CABLES1: variants seen among roughly 807,000 people sequenced by gnomAD.
CABLES1 encodes Cdk5 and Abl enzyme substrate 1, also known as CDK5 and ABL1 enzyme substrate 1.
A neutral mutation model predicts 57.8 loss-of-function variants in CABLES1; 36 were observed. That is an observed-to-expected ratio of 0.62 (90% CI 0.48 to 0.82). CABLES1 has a LOEUF of 0.82. Ranked by LOEUF, CABLES1 falls within the 40% of genes least tolerant of loss-of-function variation. CABLES1 has a pLI of 0.00. For missense variants in CABLES1, 767 were observed against 836.6 expected (o/e 0.92, Z 1.03); for synonymous variants, 374 against 363.0 (o/e 1.03, Z -0.35).
chr18:23,213,530 C>T (rs2047419499), intron 3 of CABLES1, among the ~76,000 whole-genome samples: 1 of 152,180 alleles, frequency 6.6e-6, no homozygotes, highest in Non-Finnish European at 1.5e-5. Context: ...ACCTAATGAT[C>T]ATAATGGCCT....
intron 3 of CABLES1, among the ~76,000 whole-genome samples, chr18:23,200,473 A>G (rs1284286210): frequency 2.6e-5 from 4 of 152,178 alleles, no homozygotes; most frequent in South Asian, 2.1e-4. Context: ...CATGTTAGCC[A>G]GGAAGGTCTC....
At chr18:23,146,880 T>TTATTCTAA (rs1441043747) in intron 1 of CABLES1, among the ~76,000 whole-genome samples, 11 of 152,358 alleles carry the variant, frequency 7.2e-5, no homozygotes, top group African/African-American at 2.4e-4. Flanking sequence ...AACTAAGTAC[T>TTATTCTAA]GTAGAATTTT....
chr18:23,222,614 C>T (rs2047497318), intron 4 of CABLES1, among the ~76,000 whole-genome samples: 1 of 149,396 alleles, frequency 6.7e-6, no homozygotes, highest in Non-Finnish European at 1.5e-5. Flanking sequence ...TAGATATATA[C>T]ACAGATATAG....
At chr18:23,161,942 G>A (rs2047008342) in intron 1 of CABLES1, among the ~76,000 whole-genome samples, 1 of 151,472 alleles carries the variant, frequency 6.6e-6, no homozygotes, top group African/African-American at 2.4e-5. Context: ...AAAGCGGGTG[G>A]ATCACCTGAG....
intron 9 of CABLES1, 195 bp from the exon 10 acceptor site, chr18:23,257,032 A>G (rs1016027271): frequency 1.2e-5 from 7 of 596,740 alleles, no homozygotes; most frequent in African/African-American, 9.4e-5. Context: ...CCCTCGGGAA[A>G]GGAGCAGCTC....
chr18:23,216,836 A>G (rs1393615837), intron 4 of CABLES1, among the ~76,000 whole-genome samples: 1 of 152,288 alleles, frequency 6.6e-6, no homozygotes, highest in South Asian at 2.1e-4. Flanking sequence ...GCTAGGAAAC[A>G]GTGTCTGTTC....
At chr18:23,153,270 A>AT (rs974701338) in intron 1 of CABLES1, among the ~76,000 whole-genome samples, 44 of 150,450 alleles carry the variant, frequency 2.9e-4, no homozygotes, top group South Asian at 2.5e-3. Context: ...TAATTTTTAT[A>AT]TTTTTTTTGT....
chr18:23,137,172 A>G (rs1288549785), intron 1 of CABLES1, among the ~76,000 whole-genome samples: 2 of 152,092 alleles, frequency 1.3e-5, no homozygotes, highest in Admixed American at 6.5e-5. Context: ...ATTGCCTCCA[A>G]CTAGGCCTAG....
intron 7 of CABLES1, among the ~76,000 whole-genome samples, chr18:23,244,987 T>C (rs1170290703): frequency 6.6e-6 from 1 of 152,226 alleles, no homozygotes; most frequent in Non-Finnish European, 1.5e-5. Context: ...TTTTCTGTTG[T>C]TTCTGTTGGA....
At chr18:23,166,134 A>T (rs1345264536) in intron 1 of CABLES1, among the ~76,000 whole-genome samples, 5 of 152,192 alleles carry the variant, frequency 3.3e-5, no homozygotes, top group African/African-American at 1.2e-4. Context: ...TGTTTCTTTA[A>T]TACTAACCAG....
At chr18:23,231,394 C>T (rs1014272304) in intron 4 of CABLES1, among the ~76,000 whole-genome samples, 2 of 152,224 alleles carry the variant, frequency 1.3e-5, no homozygotes. Context: ...GGACCATCTC[C>T]GTCATCACAG....
At chr18:23,189,087 C>T (rs1015380477) in intron 2 of CABLES1, 178 bp downstream of exon 2, 9 of 552,554 alleles carry the variant, frequency 1.6e-5, no homozygotes, top group Non-Finnish European at 2.9e-5. Flanking sequence ...TAGAACTAAA[C>T]AACGTTAAAT....
chr18:23,231,757 G>A (rs1469246112), intron 4 of CABLES1, among the ~76,000 whole-genome samples: 1 of 151,720 alleles, frequency 6.6e-6, no homozygotes, highest in African/African-American at 2.4e-5. Context: ...GACTTTATAC[G>A]AGCACATGAC....
intron 1 of CABLES1, among the ~76,000 whole-genome samples, chr18:23,188,590 A>G (rs148984656): frequency 0.013 from 1,809 of 142,560 alleles, 29 homozygotes; most frequent in African/African-American, 0.042. Flanking sequence ...GTCAGCATCA[A>G]AAGGATCAGT....
chr18:23,200,995 G>A (rs534169381), intron 3 of CABLES1, among the ~76,000 whole-genome samples: 21 of 152,204 alleles, frequency 1.4e-4, no homozygotes, highest in Non-Finnish European at 2.5e-4. Context: ...AGTGATTGGC[G>A]TAAAGGCCCA....
chr18:23,246,671 T>A (rs190446731), intron 7 of CABLES1, among the ~76,000 whole-genome samples: 12 of 151,578 alleles, frequency 7.9e-5, no homozygotes, highest in Non-Finnish European at 8.8e-5. Flanking sequence ...GATTATATGC[T>A]TGAGCCACCG....
At chr18:23,192,016 A>T (rs963157315) in intron 2 of CABLES1, among the ~76,000 whole-genome samples, 1 of 151,380 alleles carries the variant, frequency 6.6e-6, no homozygotes, top group South Asian at 2.1e-4. Flanking sequence ...TTGGGTGCTG[A>T]TATGGAAATA....
rs769916812 is a variant in CABLES1, at chr18:23,234,605, C to T, written c.1089-3C>T. ...TTTTTTTTCCTCTGACTTGTCCTCC[C>T]AGGGACTTGAAGTTGGACGGAGGAA... On this transcript the variant is annotated splice_polypyrimidine_tract_variant and splice_region_variant and intron_variant, in intron 4 of 9. Coordinates refer to ENST00000256925, the MANE Select transcript of CABLES1 (RefSeq NM_001100619.3). The T allele has an allele frequency of 1.1e-5, 17 of 1,612,070 alleles. No homozygotes were observed. Among genetic ancestry groups the T allele is most frequent in the Non-Finnish European group, 1.4e-5 (16 of 1,178,302 alleles).
intron 7 of CABLES1, among the ~76,000 whole-genome samples, chr18:23,248,220 C>T (rs892191891): frequency 5.3e-5 from 8 of 152,318 alleles, no homozygotes; most frequent in Non-Finnish European, 8.8e-5. Flanking sequence ...TCAGACTCAA[C>T]GGATCGGATA....
Sources: gnomAD v4.1 joint callset for allele counts (sites outside exome capture counted in the v4.1 genomes callset) on GRCh38, gnomAD v4.1.1 for gene constraint, MANE v1.5 for transcripts, NCBI Gene and HGNC (gene_info 2026-07-23, HGNC 2026-07-21) for gene names.